The following ZNF880 variants were observed in gnomAD, a reference collection of about 807,000 sequenced individuals.
ZNF880 encodes the protein zinc finger protein 880, also known as zinc finger protein LOC400713.
In ZNF880, 12 loss-of-function variants were observed where a neutral mutation model predicts 11.8. That is an observed-to-expected ratio of 1.02 (90% CI 0.65 to 1.65). ZNF880 has a LOEUF of 1.65. Among genes scored for constraint, ZNF880 ranks in the 40% most tolerant of loss-of-function variants. The pLI is 0.00. For synonymous variants in ZNF880, 210 were observed against 232.4 expected (o/e 0.90, Z 0.88); for missense variants, 601 against 673.9 (o/e 0.89, Z 1.20).
chr19:52,376,328 A>ATTTTT (rs1986549545), intron 3 of ZNF880, among the ~76,000 whole-genome samples: 2 of 151,952 alleles, frequency 1.3e-5, no homozygotes, highest in Non-Finnish European at 1.5e-5. Flanking sequence ...AACATGTAGT[A>ATTTTT]TGTTTTGATT....
intron 3 of ZNF880, among the ~76,000 whole-genome samples, chr19:52,383,270 A>G (rs78224964): frequency 0.013 from 1,931 of 152,296 alleles, 17 homozygotes; most frequent in South Asian, 0.03. Flanking sequence ...CAAGTAATTC[A>G]GAGGGCTGCC....
At chr19:52,373,627 A>G (rs1986459052) in intron 2 of ZNF880, among the ~76,000 whole-genome samples, 1 of 149,818 alleles carries the variant, frequency 6.7e-6, no homozygotes, top group Non-Finnish European at 1.5e-5. Flanking sequence ...TTCCCTCAGC[A>G]TTCAGAAGGA....
chr19:52,393,873 G>T, the ZNF880 span, among the ~76,000 whole-genome samples: 1 of 111,634 alleles, frequency 9.0e-6, no homozygotes, highest in Non-Finnish European at 1.6e-5. Flanking sequence ...GTCTTGCTCT[G>T]TCGCCCAGGC....
At chr19:52,394,144 G>C in the ZNF880 span, among the ~76,000 whole-genome samples, 1 of 151,022 alleles carries the variant, frequency 6.6e-6, no homozygotes, top group Admixed American at 6.6e-5. Flanking sequence ...CGGCCTCTTT[G>C]ACCTTTTTCT....
chr19:52,368,224 TAA>T (rs1986214211), upstream of ZNF880, among the ~76,000 whole-genome samples: 1 of 129,022 alleles, frequency 7.8e-6, no homozygotes, highest in African/African-American at 3.0e-5. Flanking sequence ...AAAATAATAA[TAA>T]TACTGTAACA....
At chr19:52,387,442 A>C (rs1201446886), downstream of ZNF880, among the ~76,000 whole-genome samples, 2 of 118,854 alleles carry the variant, frequency 1.7e-5, 1 homozygote. Flanking sequence ...ATACAAATAT[A>C]TGACAAATAC....
At chr19:52,391,834 AG>A in the ZNF880 span, among the ~76,000 whole-genome samples, 1 of 151,854 alleles carries the variant, frequency 6.6e-6, no homozygotes, top group African/African-American at 2.4e-5. Context: ...GGGATGGGGT[AG>A]GGTGTGTGAG....
chr19:52,368,227 T>A (rs1427388146), upstream of ZNF880, among the ~76,000 whole-genome samples: 11 of 140,502 alleles, frequency 7.8e-5, 1 homozygote, highest in East Asian at 6.2e-4. Flanking sequence ...ATAATAATAA[T>A]ACTGTAACAC....
downstream of ZNF880, chr19:52,390,252 C>A: frequency 3.4e-6 from 1 of 296,522 alleles, no homozygotes; most frequent in Non-Finnish European, 7.0e-6. Flanking sequence ...GTCCTCACCG[C>A]AAGGTTGATT....
At chr19:52,388,621 C>T (rs929357756), downstream of ZNF880, among the ~76,000 whole-genome samples, 1 of 151,916 alleles carries the variant, frequency 6.6e-6, no homozygotes, top group African/African-American at 2.4e-5. Context: ...GTTTGAAGTC[C>T]ACCTAAAGTT....
chr19:52,394,311 C>T, the ZNF880 span, among the ~76,000 whole-genome samples: 9 of 152,170 alleles, frequency 5.9e-5, no homozygotes, highest in Non-Finnish European at 1.2e-4. Flanking sequence ...ATCTCAGCTA[C>T]TGCAACCTGT....
In ZNF880 at chr19:52,383,887, T is replaced by G. The variant is rs781196107; in HGVS notation, c.307T>G (p.Ser103Ala). The change falls in exon 4 of 4, where the codon TCT becomes GCT. Residue 103 changes from serine (S) to alanine (A), a missense_variant. This residue lies in a region of ZNF880 where 420 missense variants were observed against 442.6 expected (regional missense o/e 0.95). Coordinates refer to ENST00000422689, the MANE Select transcript of ZNF880 (RefSeq NM_001145434.2). ...SKLGSNAGNK[S>A]LKNQLGLTFQ... ...ATTGGGAAGCAATGCCGGAAACAAG[T>G]CTCTTAAAAATCAACTTGGATTAAC... 2.6e-6 allele frequency: 4 copies of G among 1,534,568 alleles called. No individual in the cohort carries two copies. Among genetic ancestry groups the G allele is most frequent in the Non-Finnish European group, 2.6e-6 (3 of 1,141,658 alleles).
At position 52,384,934 on chromosome 19, in the gene ZNF880, A is replaced by G; in HGVS notation, c.1354A>G (p.Ser452Gly). 1 of 1,587,316 alleles carries G rather than the reference A, an allele frequency of 6.3e-7. No homozygotes were observed. Among genetic ancestry groups the G allele is most frequent in the Non-Finnish European group, 8.6e-7 (1 of 1,165,528 alleles). ...AKVFRHRLSL[S>G]NHQRFHTGEK... ...GGTCTTCAGGCATAGATTATCCCTA[A>G]GCAATCATCAGAGATTTCATACTGG... The change falls in exon 4 of 4, where the codon AGC (serine) becomes GGC (glycine). Residue 452 changes from serine (S) to glycine (G), a missense_variant. Around this residue, in one of 3 missense-constraint regions of ZNF880, gnomAD observed 177 missense variants for 214.5 expected, o/e 0.83. Coordinates refer to ENST00000422689, the MANE Select transcript of ZNF880 (RefSeq NM_001145434.2).
At chr19:52,372,997 A>G in intron 1 of ZNF880, 114 bp from the exon 2 acceptor site, 3 of 1,066,466 alleles carry the variant, frequency 2.8e-6, no homozygotes, top group Non-Finnish European at 4.3e-6. Flanking sequence ...TAACTAGCTA[A>G]AAAAATACCT....
chr19:52,394,027 G>C, the ZNF880 span, among the ~76,000 whole-genome samples: 1 of 151,764 alleles, frequency 6.6e-6, no homozygotes, highest in Admixed American at 6.6e-5. Flanking sequence ...TCTTAGTAGA[G>C]ATGGGGTTTC....
Position 52,385,396 on chromosome 19 carries a change from CTG to C in ZNF880, c.*83_*84del. The stretch of plus-strand genomic sequence containing the variant: ...TCATTCATGAGAGAGTTCTTACAAA[CTG>C]AGTATGGCAAACTCTTCATGCTAAG... On this transcript the variant is annotated 3_prime_UTR_variant, in exon 4 of 4. Coordinates refer to ENST00000422689, the MANE Select transcript of ZNF880 (RefSeq NM_001145434.2). The C allele has an allele frequency of 7.0e-7, 1 of 1,419,914 alleles. No individual in the cohort carries two copies. Among genetic ancestry groups the C allele is most frequent in the Non-Finnish European group, 9.5e-7 (1 of 1,052,028 alleles). The allele number at this position is 1,419,914 out of a possible 1,614,324, so 88.0% of individuals were successfully genotyped here.
At chr19:52,379,577 T>G in intron 3 of ZNF880, 1 of 363,246 alleles carries the variant, frequency 2.8e-6, no homozygotes, top group South Asian at 2.0e-5. Flanking sequence ...TTAATTTTTT[T>G]AGAGACAGGG....
chr19:52,373,112 GAC>G lies in ZNF880; in HGVS notation c.17_18del (p.His6LeufsTer46), dbSNP rs766130602. ...GGTGAAATGTGTTTTTCATTTTAGG[GAC>G]ACTTGGCATTCAGGGACGTGGCCAT... On this transcript the variant is annotated frameshift_variant and splice_region_variant, in exon 2 of 4. Transcript: ENST00000422689. LOFTEE classifies it high-confidence loss of function. The G allele has an allele frequency of 1.5e-5, 24 of 1,612,558 alleles. No individual in the cohort carries two copies. The South Asian group carries it at 2.6e-4, about 18-fold the overall frequency.
the ZNF880 span, chr19:52,396,557 T>G: frequency 6.6e-6 from 1 of 152,358 alleles, no homozygotes; most frequent in South Asian, 2.1e-4. Context: ...CCCCACTGTC[T>G]GCAGCCAATG....
Sources: allele counts gnomAD v4.1 joint callset (sites outside exome capture counted in the v4.1 genomes callset), GRCh38; gene constraint gnomAD v4.1.1; regional missense constraint gnomAD v4.1.1; transcripts MANE v1.5; gene names NCBI Gene and HGNC (gene_info 2026-07-23, HGNC 2026-07-21).